GLT1D1: variants seen among roughly 807,000 people sequenced by gnomAD.
GLT1D1 encodes glycosyltransferase 1 domain-containing protein 1.
In GLT1D1, 21 loss-of-function variants were observed where a neutral mutation model predicts 28.7. The observed-to-expected ratio is 0.73, with a 90% CI of 0.52 to 1.05. The LOEUF (loss-of-function observed/expected upper bound fraction) is 1.05, where lower values mean the gene tolerates loss of function less well. Among genes scored for constraint, GLT1D1 ranks in the 50% least tolerant of loss-of-function variants. The pLI is 0.00. For synonymous variants in GLT1D1, 147 were observed against 124.8 expected (o/e 1.18, Z -1.19); for missense variants, 343 against 330.6 (o/e 1.04, Z -0.29).
chr12:128,858,536 G>A (rs1010244716), intron 1 of GLT1D1, among the ~76,000 whole-genome samples: 1 of 152,116 alleles, frequency 6.6e-6, no homozygotes, highest in African/African-American at 2.4e-5. Context: ...GCTGGGCGTG[G>A]TGGCACACAC....
At chr12:128,919,408 A>G (rs1401374742) in intron 4 of GLT1D1, among the ~76,000 whole-genome samples, 1 of 152,224 alleles carries the variant, frequency 6.6e-6, no homozygotes. Flanking sequence ...ATTAGTCACC[A>G]GGGTGTGTAG....
intron 6 of GLT1D1, among the ~76,000 whole-genome samples, 184 bp downstream of exon 10, chr12:128,947,642 C>A (rs960093397): frequency 2.0e-5 from 3 of 152,154 alleles, no homozygotes; most frequent in Non-Finnish European, 2.9e-5. Context: ...TTAAAAATAT[C>A]ATTTCATTTC....
rs959489771 is a variant in GLT1D1, at chr12:128,888,701, G to C, written c.280G>C (p.Ala94Pro). 3.7e-6 allele frequency: 6 copies of C among 1,613,780 alleles called. No individual in the cohort carries two copies. In the African/African-American group the frequency reaches 6.7e-5, roughly 18 times the overall value. Residue 94 changes from alanine (A) to proline (P), a missense_variant, in exon 3 of 8, where the codon GCG becomes CCG. Physicochemically the swap from Ala to Pro is conservative, Grantham distance 27. Coordinates refer to ENST00000281703, the MANE Select transcript of GLT1D1 (RefSeq NM_144669.3). Reference sequence around the variant, plus strand: ...TGATGTAAATGAAGATGCCAACCAGGCGGAAAAAAACACAGTCATGGGCAG... The same window carrying C: ...TGATGTAAATGAAGATGCCAACCAGCCGGAAAAAAACACAGTCATGGGCAG...
chr12:128,946,635 CTTTTTTTTTTTTTTTTTTT>C (rs61498838), intron 5 of GLT1D1, among the ~76,000 whole-genome samples: 13 of 64,224 alleles, frequency 2.0e-4, no homozygotes, highest in Admixed American at 1.2e-3. Flanking sequence ...GCCCGGCCTC[CTTTTTTTTTTTTTTTTTTT>C]TTTTTTTTTT....
At chr12:128,917,596 A>G (rs1872231206) in intron 4 of GLT1D1, among the ~76,000 whole-genome samples, 1 of 152,182 alleles carries the variant, frequency 6.6e-6, no homozygotes, top group African/African-American at 2.4e-5. Context: ...CAAACTTCTA[A>G]GAAGAGACTG....
intron 6 of GLT1D1, among the ~76,000 whole-genome samples, chr12:128,947,991 C>T (rs571716594): frequency 3.3e-5 from 5 of 152,204 alleles, no homozygotes; most frequent in Admixed American, 2.0e-4. Context: ...TCTATAAAAT[C>T]GCTTCATCTT....
At chr12:128,968,711 T>C (rs1477551849) in intron 7 of GLT1D1, among the ~76,000 whole-genome samples, 1 of 152,066 alleles carries the variant, frequency 6.6e-6, no homozygotes, top group Admixed American at 6.5e-5. Flanking sequence ...CCGAGCAGCA[T>C]AGGGACAGCC....
intron 7 of GLT1D1, among the ~76,000 whole-genome samples, chr12:128,982,392 G>T (rs1880401198): frequency 6.6e-6 from 1 of 152,206 alleles, no homozygotes; most frequent in Non-Finnish European, 1.5e-5. Flanking sequence ...TGAAGCACTA[G>T]TGCTTTCCAC....
At chr12:128,978,052 T>TTACA (rs1183451056) in intron 7 of GLT1D1, among the ~76,000 whole-genome samples, 4 of 151,976 alleles carry the variant, frequency 2.6e-5, no homozygotes, top group African/African-American at 9.7e-5. Flanking sequence ...CCCAAAATGC[T>TTACA]GGGTTTACAG....
chr12:128,969,787 G>A (rs544243718), intron 7 of GLT1D1, among the ~76,000 whole-genome samples: 10 of 152,322 alleles, frequency 6.6e-5, no homozygotes, highest in South Asian at 6.2e-4. Flanking sequence ...AGAACAGGAG[G>A]AGGCATCTCT....
intron 7 of GLT1D1, among the ~76,000 whole-genome samples, chr12:128,966,871 C>T (rs1389756547): frequency 6.6e-6 from 1 of 152,104 alleles, no homozygotes; most frequent in African/African-American, 2.4e-5. Flanking sequence ...TATACCTCAC[C>T]CCTGGAAAAC....
intron 1 of GLT1D1, among the ~76,000 whole-genome samples, chr12:128,864,681 T>G (rs1201526753): frequency 6.6e-6 from 1 of 152,100 alleles, no homozygotes; most frequent in Non-Finnish European, 1.5e-5. Flanking sequence ...GGAAACCTTC[T>G]AAGGGGCTCG....
chr12:128,978,174 A>G, intron 7 of GLT1D1, among the ~76,000 whole-genome samples: 1 of 151,950 alleles, frequency 6.6e-6, no homozygotes, highest in Non-Finnish European at 1.5e-5. Flanking sequence ...CTCCGGGGTT[A>G]CAGTGCGTGT....
chr12:128,859,892 T>C (rs1455265687), intron 1 of GLT1D1, among the ~76,000 whole-genome samples: 2 of 152,204 alleles, frequency 1.3e-5, no homozygotes, highest in East Asian at 1.9e-4. Flanking sequence ...AGTAGTTTTT[T>C]AGAAGATGTA....
intron 7 of GLT1D1, among the ~76,000 whole-genome samples, chr12:128,978,657 C>T (rs531630489): frequency 3.2e-4 from 48 of 152,136 alleles, no homozygotes; most frequent in African/African-American, 1.1e-3. Flanking sequence ...TTGGATCTGT[C>T]GCAAGGAAGA....
intron 7 of GLT1D1, among the ~76,000 whole-genome samples, chr12:128,974,954 G>C (rs187234391): frequency 6.6e-6 from 1 of 152,200 alleles, no homozygotes; most frequent in Non-Finnish European, 1.5e-5. Context: ...CATTGAGGCT[G>C]TTCTCCCCTC....
At chr12:128,875,584 G>A (rs1056144510) in intron 1 of GLT1D1, among the ~76,000 whole-genome samples, 3 of 152,148 alleles carry the variant, frequency 2.0e-5, no homozygotes, top group African/African-American at 7.2e-5. Context: ...ATTACCTGAG[G>A]TCAAGAGTTT....
rs1880619190 is a variant in GLT1D1, at chr12:128,984,600, T to G, written c.*1510T>G. ...CCCCCCACCCCTCGCACCCCTTGTG[T>G]TTTCCCTCTGAGGGGCCCAAGGGTT... On this transcript the variant is annotated 3_prime_UTR_variant, in exon 8 of 8. Coordinates refer to ENST00000281703, the MANE Select transcript of GLT1D1 (RefSeq NM_144669.3). The G allele has an allele frequency of 6.6e-6, 1 of 151,594 alleles. No individual in the cohort carries two copies. Among genetic ancestry groups the G allele is most frequent in the South Asian group, 2.1e-4 (1 of 4,760 alleles). The allele number at this position is 151,594 out of a possible 1,614,324, so 9.4% of individuals were successfully genotyped here.
At chr12:128,898,812 G>A (rs1475862015) in intron 3 of GLT1D1, among the ~76,000 whole-genome samples, 2 of 152,236 alleles carry the variant, frequency 1.3e-5, no homozygotes, top group African/African-American at 4.8e-5. Flanking sequence ...TGATAACAGT[G>A]AGCACCCATG....
Sources: allele counts gnomAD v4.1 joint callset (sites outside exome capture counted in the v4.1 genomes callset), GRCh38; gene constraint gnomAD v4.1.1; transcripts MANE v1.5; gene names NCBI Gene and HGNC (gene_info 2026-07-23, HGNC 2026-07-21).